ACVR1: variants seen among roughly 807,000 people sequenced by gnomAD.
The protein encoded by ACVR1 is activin A receptor type 1.
ACVR1 carries 38 observed loss-of-function variants against 57.1 expected under a neutral mutation model. The observed-to-expected ratio is 0.67, with a 90% CI of 0.51 to 0.87. The LOEUF (loss-of-function observed/expected upper bound fraction) is 0.87, where lower values mean the gene tolerates loss of function less well. ACVR1 is among the 40% of genes least tolerant of loss of function. The probability of loss-of-function intolerance (pLI) is 0.00; values close to 1 mark genes in which losing one functional copy is unlikely to be tolerated. For synonymous variants in ACVR1, 212 were observed against 228.1 expected, an observed-to-expected ratio of 0.93 and a Z score of 0.63; for missense variants, 463 against 638.2, an observed-to-expected ratio of 0.73 and a Z score of 2.96.
chr2:157,840,439 T>C (rs942594485), intron 1 of ACVR1, among the ~76,000 whole-genome samples: 2 of 152,260 alleles, frequency 1.3e-5, no homozygotes, highest in Admixed American at 1.3e-4. Context: ...AAAAAAGTTT[T>C]CCTTTCTTGG....
intron 3 of ACVR1, among the ~76,000 whole-genome samples, chr2:157,799,200 ATTTAT>A (rs751342640): frequency 2.6e-5 from 4 of 152,160 alleles, no homozygotes; most frequent in Admixed American, 1.3e-4. Context: ...TTGGCCCTAT[ATTTAT>A]TTTAAGTAGA....
intron 1 of ACVR1, among the ~76,000 whole-genome samples, chr2:157,860,634 C>T (rs1031747151): frequency 6.6e-6 from 1 of 152,134 alleles, no homozygotes; most frequent in Non-Finnish European, 1.5e-5. Flanking sequence ...GGTGAAGCAC[C>T]TTATACACTA....
At chr2:157,739,781 T>G (rs1341159057) in intron 9 of ACVR1, among the ~76,000 whole-genome samples, 1 of 152,234 alleles carries the variant, frequency 6.6e-6, no homozygotes, top group East Asian at 1.9e-4. Flanking sequence ...TGCAAAAGAT[T>G]AGATATAAGG....
chr2:157,800,194 C>G (rs543846813), intron 2 of ACVR1, among the ~76,000 whole-genome samples: 1 of 152,298 alleles, frequency 6.6e-6, no homozygotes, highest in East Asian at 1.9e-4. Context: ...TGGTTAGTTG[C>G]AATTTTCTGG....
rs368883050 is a variant in ACVR1, at chr2:157,758,899, G to A, written c.1264+1981C>T. ...AAAACACACTCCTGAACAACCACTG[G>A]GTCAATGAAGAAATTAAGAAGGAAA... On this transcript the variant is annotated intron_variant, in intron 9 of 10. Coordinates refer to ENST00000434821, the MANE Select transcript of ACVR1 (RefSeq NM_001111067.4). Among the ~76,000 whole-genome samples, 20 of 151,848 alleles carry A rather than the reference G, an allele frequency of 1.3e-4. 1 individual carries two copies. The highest frequency in any genetic ancestry group is 8.5e-4 in the Admixed American group (13 of 15,258).
chr2:157,792,280 G>A (rs538340378), intron 3 of ACVR1, among the ~76,000 whole-genome samples: 32 of 152,150 alleles, frequency 2.1e-4, no homozygotes, highest in East Asian at 1.7e-3. Context: ...GTTCTAGCCC[G>A]TAACAAAGAA....
At chr2:157,770,337 C>A (rs1283699968) in intron 7 of ACVR1, 31 bp downstream of exon 7, 2 of 1,612,978 alleles carry the variant, frequency 1.2e-6, no homozygotes, top group African/African-American at 1.3e-5. Flanking sequence ...TCCCTAGATA[C>A]AATTAATGAG....
chr2:157,757,183 A>G (rs1392587452), intron 9 of ACVR1, among the ~76,000 whole-genome samples: 1 of 151,516 alleles, frequency 6.6e-6, no homozygotes, highest in African/African-American at 2.4e-5. Context: ...CTTTTGAAAT[A>G]GCCAGTCAAA....
intron 3 of ACVR1, among the ~76,000 whole-genome samples, chr2:157,797,775 T>C (rs1202025667): frequency 2.0e-5 from 3 of 152,244 alleles, no homozygotes; most frequent in African/African-American, 7.2e-5. Flanking sequence ...CAACTAAGAA[T>C]TAGACTCCTA....
At chr2:157,759,742 T>A (rs750962568) in intron 9 of ACVR1, among the ~76,000 whole-genome samples, 2 of 151,976 alleles carry the variant, frequency 1.3e-5, no homozygotes, top group South Asian at 2.1e-4. Context: ...AGATAACACA[T>A]CATGATTAAG....
intron 6 of ACVR1, among the ~76,000 whole-genome samples, chr2:157,773,726 A>G (rs1444347774): frequency 6.6e-6 from 1 of 152,230 alleles, no homozygotes; most frequent in Admixed American, 6.5e-5. Flanking sequence ...GAATTAAAGA[A>G]TTGCAATAAA....
At chr2:157,870,880 CA>C (rs1690095552) in intron 1 of ACVR1, among the ~76,000 whole-genome samples, 1 of 152,204 alleles carries the variant, frequency 6.6e-6, no homozygotes, top group African/African-American at 2.4e-5. Context: ...CCCCACTTTC[CA>C]AACTCATCCT....
At chr2:157,773,415 A>G (rs547703215) in intron 6 of ACVR1, among the ~76,000 whole-genome samples, 44 of 152,372 alleles carry the variant, frequency 2.9e-4, no homozygotes, top group African/African-American at 1.0e-3. Flanking sequence ...TTCAAGCAGT[A>G]TGGTTATAGT....
intron 2 of ACVR1, among the ~76,000 whole-genome samples, chr2:157,805,820 CTTT>C (rs1222482675): frequency 3.3e-4 from 10 of 30,174 alleles, no homozygotes; most frequent in Admixed American, 2.3e-3. Flanking sequence ...TTTCTTTTTT[CTTT>C]TTTTTTTTTT....
At chr2:157,746,321 A>ATAT (rs1448831159) in intron 9 of ACVR1, among the ~76,000 whole-genome samples, 2 of 152,200 alleles carry the variant, frequency 1.3e-5, no homozygotes. Flanking sequence ...TTTAAAGTAG[A>ATAT]TATTATTATT....
intron 2 of ACVR1, among the ~76,000 whole-genome samples, chr2:157,811,861 T>C (rs1419780857): frequency 6.6e-6 from 1 of 152,234 alleles, no homozygotes; most frequent in African/African-American, 2.4e-5. Flanking sequence ...TCAGTTTTCA[T>C]AACTAGCAGT....
At chr2:157,800,931 C>A (rs2105307877) in intron 2 of ACVR1, among the ~76,000 whole-genome samples, 1 of 152,056 alleles carries the variant, frequency 6.6e-6, no homozygotes, top group Non-Finnish European at 1.5e-5. Flanking sequence ...TCCTGTCATA[C>A]ATGATTCCGG....
intron 2 of ACVR1, among the ~76,000 whole-genome samples, chr2:157,813,098 T>G (rs1340103337): frequency 1.3e-5 from 2 of 152,006 alleles, no homozygotes; most frequent in Non-Finnish European, 2.9e-5. Flanking sequence ...ATGATTCTTT[T>G]AAAGTTCCTA....
intron 7 of ACVR1, among the ~76,000 whole-genome samples, chr2:157,768,315 A>G (rs1333631112): frequency 1.3e-5 from 2 of 152,182 alleles, no homozygotes; most frequent in South Asian, 2.1e-4. Flanking sequence ...TTCTTAATAA[A>G]GAAAATGTTT....
Sources: allele counts gnomAD v4.1 joint callset (sites outside exome capture counted in the v4.1 genomes callset), GRCh38; gene constraint gnomAD v4.1.1; transcripts MANE v1.5; gene names NCBI Gene and HGNC (gene_info 2026-07-23, HGNC 2026-07-21).